The following DHRS3 variants were observed in gnomAD, a reference collection of about 807,000 sequenced individuals.
DHRS3 encodes dehydrogenase/reductase 3, also known as short-chain dehydrogenase/reductase 3.
DHRS3 carries 14 observed loss-of-function variants against 27.2 expected under a neutral mutation model. The ratio of observed to expected loss-of-function variants is 0.52; its 90% CI spans 0.34 to 0.81. The LOEUF (loss-of-function observed/expected upper bound fraction) is 0.81. DHRS3 is among the 30% of genes least tolerant of loss of function. DHRS3 has a pLI of 0.01. For missense variants in DHRS3, 322 were observed against 406.2 expected, an observed-to-expected ratio of 0.79 and a Z score of 1.78; for synonymous variants, 165 against 175.9, an observed-to-expected ratio of 0.94 and a Z score of 0.49.
rs566117007 is a variant in DHRS3 at position 12,588,037 on chromosome 1, G to A, written c.196-7371C>T. 5.9e-5 allele frequency among the ~76,000 whole-genome samples: 9 copies of A among 152,204 alleles called. No homozygotes were observed. In the South Asian group the frequency reaches 1.0e-3, roughly 17 times the overall value. Reference sequence around the variant, plus strand: ...CCTGCATGTGCTGTCACGGCCATTTGGGGTCTATATCCTGTCTCTTAGAGG... The same window carrying A: ...CCTGCATGTGCTGTCACGGCCATTTAGGGTCTATATCCTGTCTCTTAGAGG... On this transcript the variant is annotated intron_variant, in intron 1 of 5. Transcript: ENST00000616661.
At chr1:12,615,867 T>TGCAAGGTCAA (rs1481591481) in intron 1 of DHRS3, among the ~76,000 whole-genome samples, 1 of 152,142 alleles carries the variant, frequency 6.6e-6, no homozygotes, top group Non-Finnish European at 1.5e-5. Context: ...CCCCTCCAAA[T>TGCAAGGTCAA]GCAAGGTCAA....
intron 1 of DHRS3, among the ~76,000 whole-genome samples, chr1:12,582,839 CTCCATCCA>C (rs1191707118): frequency 7.0e-5 from 10 of 143,188 alleles, no homozygotes; most frequent in South Asian, 2.3e-4. Flanking sequence ...GTCTACCCAA[CTCCATCCA>C]TCCATCCATC....
chr1:12,609,407 G>A (rs1327143456), intron 1 of DHRS3, among the ~76,000 whole-genome samples: 10 of 152,150 alleles, frequency 6.6e-5, no homozygotes. Flanking sequence ...CCTGAGGGCT[G>A]GGTGCCAGCT....
In DHRS3 at chr1:12,572,867, G is replaced by A. The variant is rs1239701879; in HGVS notation, c.699-14C>T. On this transcript the variant is annotated splice_polypyrimidine_tract_variant and intron_variant, in intron 4 of 5. Transcript: ENST00000616661. Reference sequence around the variant, plus strand: ...AGGTTGGGAAACCTGAACACAGGAAGAGACACAGTGGGTTTCTCCTGGAGA... The same window carrying A: ...AGGTTGGGAAACCTGAACACAGGAAAAGACACAGTGGGTTTCTCCTGGAGA... 2 of 1,581,850 alleles carry A rather than the reference G, an allele frequency of 1.3e-6. No individual in the cohort carries two copies. The highest frequency in any genetic ancestry group is 2.3e-5 in the South Asian group (2 of 86,854).
At chr1:12,596,190 C>A (rs183183100) in intron 1 of DHRS3, 2,046 of 121,660 alleles carry the variant, frequency 0.017, 40 homozygotes, top group African/African-American at 0.049. Context: ...CCCTCGCCGC[C>A]CCTCTGGCGG....
intron 1 of DHRS3, among the ~76,000 whole-genome samples, chr1:12,599,808 G>A (rs539231031): frequency 2.6e-5 from 4 of 152,260 alleles, no homozygotes; most frequent in South Asian, 2.1e-4. Context: ...GCCTGGATTC[G>A]AATCCCATGG....
rs1474082743 is a variant in DHRS3, at chr1:12,578,281, GAC to G, written c.698+435_698+436del. Among the ~76,000 whole-genome samples, 1 of 152,146 alleles carries G rather than the reference GAC, an allele frequency of 6.6e-6. No homozygotes were observed. Among genetic ancestry groups the G allele is most frequent in the African/African-American group, 2.4e-5 (1 of 41,408 alleles). On this transcript the variant is annotated intron_variant, in intron 4 of 5. Coordinates refer to ENST00000616661, the MANE Select transcript of DHRS3 (RefSeq NM_004753.7). This position sits in a 1 kb window ranked among gnomAD's most constrained non-coding sequence, Gnocchi z 4.5. ...GCCTTGCAGACCGAGAACCAGGTAA[GAC>G]AGCGTCAAACAGAGGGTAGAGGCTC...
rs765027018 is a variant in DHRS3, at chr1:12,568,348, G to C, written c.901C>G (p.Arg301Gly). The change falls in exon 6 of 6, where the codon CGG (arginine) becomes GGG (glycine). Residue 301 changes from arginine to glycine, a missense_variant. By Grantham distance (125) the Arg-to-Gly change is moderately radical. Transcript: ENST00000616661. ...TYTCMNTFKG[R>G]T is the part of the protein sequence containing the mutation. ...ATGTCTTCATCCTGTCTCTATGTCC[G>C]CCCTTTGAAAGTGTTCATGCAGGTG... is the stretch of plus-strand genomic sequence containing the variant. The C allele has an allele frequency of 6.2e-7, 1 of 1,613,600 alleles. No homozygotes were observed. The highest frequency in any genetic ancestry group is 1.1e-5 in the South Asian group (1 of 91,076).
rs1404013405 is a variant in DHRS3, at chr1:12,578,152, C to T, written c.698+566G>A. Among the ~76,000 whole-genome samples the T allele has an allele frequency of 6.6e-6, 1 of 152,204 alleles. No homozygotes were observed. The highest frequency in any genetic ancestry group is 1.5e-5 in the Non-Finnish European group (1 of 68,040). On this transcript the variant is annotated intron_variant, in intron 4 of 5. Transcript: ENST00000616661. The surrounding 1 kb of genome is among the most constrained non-coding windows in gnomAD (Gnocchi z 4.5). ...CACGACGCTGTGGAGGTGCATCTCC[C>T]TCATTTGACCTTTAGACACATCCCG...
intron 5 of DHRS3, among the ~76,000 whole-genome samples, chr1:12,568,728 C>A (rs1430218977): frequency 6.6e-6 from 1 of 152,080 alleles, no homozygotes; most frequent in Non-Finnish European, 1.5e-5. Flanking sequence ...GAATTCAAGA[C>A]CAGCCTGGGC....
chr1:12,577,398 A>G (rs1443948962), intron 4 of DHRS3, among the ~76,000 whole-genome samples: 1 of 152,192 alleles, frequency 6.6e-6, no homozygotes, highest in Non-Finnish European at 1.5e-5. Context: ...ACGGGACCCA[A>G]TGTCACAGAG....
At chr1:12,600,715 G>A (rs937384331) in intron 1 of DHRS3, among the ~76,000 whole-genome samples, 3 of 152,126 alleles carry the variant, frequency 2.0e-5, no homozygotes, top group Non-Finnish European at 4.4e-5. Context: ...TCCCCTGCCC[G>A]CAGCTGGAGG....
intron 4 of DHRS3, 89 bp from the exon 5 acceptor site, chr1:12,572,942 C>G (rs1281655612): frequency 6.9e-7 from 1 of 1,452,576 alleles, no homozygotes; most frequent in Admixed American, 2.7e-5. Context: ...TCTGGGTCAC[C>G]CTTTGGCTTT....
chr1:12,579,021 C>T lies in DHRS3; in HGVS notation c.460-65G>A, dbSNP rs548607479. 67 of 1,467,874 alleles carry T rather than the reference C, an allele frequency of 4.6e-5. No homozygotes were observed. In the Middle Eastern group the frequency reaches 5.9e-4, roughly 13 times the overall value. 90.9% of individuals were successfully genotyped at this position (1,467,874 alleles called of 1,614,324 possible). A position where few individuals can be genotyped will look rare whatever the true frequency, so the allele number is the denominator to read the frequency against. On this transcript the variant is annotated intron_variant, in intron 3 of 5. Coordinates refer to ENST00000616661, the MANE Select transcript of DHRS3 (RefSeq NM_004753.7). The stretch of plus-strand genomic sequence containing the variant: ...TCTGACAACCCCTCCACCTTTCTTT[C>T]GGGGAGAACAGCCCACCCCGGACAC...
chr1:12,575,306 G>A (rs1055401614), intron 4 of DHRS3, among the ~76,000 whole-genome samples: 3 of 150,638 alleles, frequency 2.0e-5, no homozygotes, highest in South Asian at 2.1e-4. Context: ...TAGCCTGGGC[G>A]ACAGAGCAAG....
At chr1:12,612,471 C>T (rs1170647267) in intron 1 of DHRS3, among the ~76,000 whole-genome samples, 1 of 152,176 alleles carries the variant, frequency 6.6e-6, no homozygotes, top group Non-Finnish European at 1.5e-5. Context: ...CAGGTGGTTT[C>T]TTGTACCTAG....
rs1458059690 is a variant in DHRS3, at chr1:12,572,869, G to C, written c.699-16C>G. ...GTTGGGAAACCTGAACACAGGAAGA[G>C]ACACAGTGGGTTTCTCCTGGAGAGG... On this transcript the variant is annotated splice_polypyrimidine_tract_variant and intron_variant, in intron 4 of 5. Coordinates refer to ENST00000616661, the MANE Select transcript of DHRS3 (RefSeq NM_004753.7). 2 of 1,578,996 alleles carry C rather than the reference G, an allele frequency of 1.3e-6. No homozygotes were observed. The highest frequency in any genetic ancestry group is 2.3e-5 in the South Asian group (2 of 86,572).
chr1:12,605,171 G>T (rs916485381), intron 1 of DHRS3, among the ~76,000 whole-genome samples: 2 of 151,292 alleles, frequency 1.3e-5, no homozygotes, highest in African/African-American at 4.9e-5. Context: ...TGTTACCATC[G>T]TCACACACAT....
chr1:12,584,804 G>T (rs59345760), intron 1 of DHRS3, among the ~76,000 whole-genome samples: 6 of 152,144 alleles, frequency 3.9e-5, no homozygotes, highest in African/African-American at 9.7e-5. Flanking sequence ...GCTGCTGTGC[G>T]CATGCCCTGC....
Sources: allele counts gnomAD v4.1 joint callset (sites outside exome capture counted in the v4.1 genomes callset), GRCh38; gene constraint gnomAD v4.1.1; non-coding constraint Gnocchi (gnomAD v3.1); transcripts MANE v1.5; gene names NCBI Gene and HGNC (gene_info 2026-07-23, HGNC 2026-07-21).